RBMS3: variants seen among roughly 807,000 people sequenced by gnomAD.
RBMS3 encodes RNA binding motif single stranded interacting protein 3.
In RBMS3, 27 loss-of-function variants were observed where a neutral mutation model predicts 66.8. That is an observed-to-expected ratio of 0.40 (90% CI 0.30 to 0.56). The LOEUF (loss-of-function observed/expected upper bound fraction) is 0.56, where lower values mean the gene tolerates loss of function less well. RBMS3 is among the 20% of genes least tolerant of loss of function. The pLI is 0.40. For synonymous variants in RBMS3, 188 were observed against 183.0 expected (o/e 1.03, Z -0.22); for missense variants, 513 against 549.5 (o/e 0.93, Z 0.66).
At chr3:29,286,939 T>G (rs983103873) in intron 1 of RBMS3, among the ~76,000 whole-genome samples, 3 of 152,152 alleles carry the variant, frequency 2.0e-5, no homozygotes, top group African/African-American at 7.2e-5. Context: ...ACATTGAAAT[T>G]GTTTTGTAAC....
rs1411222764 is a variant in RBMS3, at chr3:29,281,112, A to AC, written c.-570_-569insC. ...GAGACAGCAGCAACTAAGCTGTACA[A>AC]GGTTTTTTTTTTTTTTTTTTCTTCC... is the stretch of plus-strand genomic sequence containing the variant. On this transcript the variant is annotated 5_prime_UTR_variant, in exon 1 of 15. Coordinates refer to ENST00000383767, the MANE Select transcript of RBMS3 (RefSeq NM_001003793.3). The AC allele has an allele frequency of 3.9e-5, 3 of 76,248 alleles. No homozygotes were observed. Among genetic ancestry groups the AC allele is most frequent in the East Asian group, 6.4e-4 (2 of 3,130 alleles). The allele number at this position is 76,248 out of a possible 1,614,324, so 4.7% of individuals were successfully genotyped here. A position where few individuals can be genotyped will look rare whatever the true frequency, so the allele number is the denominator to read the frequency against.
chr3:29,594,438 A>G (rs1034163538), intron 4 of RBMS3, among the ~76,000 whole-genome samples: 4 of 152,118 alleles, frequency 2.6e-5, no homozygotes, highest in African/African-American at 9.7e-5. Flanking sequence ...TCCAAAGAAA[A>G]TCATTCTGAT....
chr3:29,388,482 G>A (rs1268854742), intron 1 of RBMS3, among the ~76,000 whole-genome samples: 1 of 152,118 alleles, frequency 6.6e-6, no homozygotes, highest in Admixed American at 6.5e-5. Context: ...TTCCAGGAAG[G>A]CCACGTTAAA....
intron 6 of RBMS3, among the ~76,000 whole-genome samples, chr3:29,792,979 C>G (rs948815002): frequency 3.3e-5 from 5 of 152,082 alleles, no homozygotes; most frequent in Admixed American, 1.3e-4. Context: ...TGGCTCTCAC[C>G]TTTAATCCCA....
At chr3:29,696,851 G>A in intron 4 of RBMS3, 1 of 645,778 alleles carries the variant, frequency 1.5e-6, no homozygotes, top group Non-Finnish European at 1.9e-6. Context: ...ACACATCTTA[G>A]AGTCATCATA....
chr3:29,309,132 A>G (rs1017805253), intron 1 of RBMS3, among the ~76,000 whole-genome samples: 1 of 151,732 alleles, frequency 6.6e-6, no homozygotes, highest in Non-Finnish European at 1.5e-5. Context: ...ACTTTGATTC[A>G]TGGGCATGAA....
At chr3:29,442,622 A>G (rs2041670107) in intron 2 of RBMS3, among the ~76,000 whole-genome samples, 1 of 152,190 alleles carries the variant, frequency 6.6e-6, no homozygotes, top group African/African-American at 2.4e-5. Flanking sequence ...AATTCTAGGC[A>G]GATCTCATGC....
intron 3 of RBMS3, among the ~76,000 whole-genome samples, chr3:29,584,253 C>T (rs1018803885): frequency 6.6e-6 from 1 of 152,058 alleles, no homozygotes; most frequent in Non-Finnish European, 1.5e-5. Flanking sequence ...TTTGAGACAT[C>T]TGATTCCCTT....
At chr3:29,873,239 C>T (rs550926194) in intron 7 of RBMS3, among the ~76,000 whole-genome samples, 1 of 152,064 alleles carries the variant, frequency 6.6e-6, no homozygotes, top group Non-Finnish European at 1.5e-5. Context: ...ATTTTTCTAT[C>T]TGTTTGTGTC....
At chr3:29,405,734 C>T (rs1474389564) in intron 1 of RBMS3, among the ~76,000 whole-genome samples, 2 of 152,156 alleles carry the variant, frequency 1.3e-5, no homozygotes, top group Non-Finnish European at 2.9e-5. Context: ...GGGGAAAATT[C>T]AGCCATTTTA....
At chr3:29,946,957 A>G (rs1695357595) in intron 12 of RBMS3, among the ~76,000 whole-genome samples, 1 of 151,664 alleles carries the variant, frequency 6.6e-6, no homozygotes, top group Non-Finnish European at 1.5e-5. Flanking sequence ...GAAGTGAGGA[A>G]AAGGATAGTG....
At chr3:29,548,451 AAAAAC>A in intron 3 of RBMS3, among the ~76,000 whole-genome samples, 1 of 131,388 alleles carries the variant, frequency 7.6e-6, no homozygotes, top group Admixed American at 7.3e-5. Context: ...CAAACAAACA[AAAAAC>A]AAAACGACGT....
intron 5 of RBMS3, among the ~76,000 whole-genome samples, chr3:29,751,234 C>G (rs919605273): frequency 1.3e-5 from 2 of 152,106 alleles, no homozygotes; most frequent in African/African-American, 4.8e-5. Context: ...AAGGAGAAAA[C>G]CAAGTTTTAC....
intron 4 of RBMS3, among the ~76,000 whole-genome samples, chr3:29,727,906 A>G (rs901377939): frequency 1.6e-4 from 25 of 152,178 alleles, no homozygotes; most frequent in Non-Finnish European, 3.4e-4. Flanking sequence ...ACACATGCAC[A>G]TGTATGTTTA....
chr3:29,996,372 C>A (rs1412934373), intron 14 of RBMS3, among the ~76,000 whole-genome samples: 1 of 148,418 alleles, frequency 6.7e-6, no homozygotes, highest in African/African-American at 2.5e-5. Flanking sequence ...GACAGAAAGT[C>A]AACAAGGATA....
At chr3:29,712,526 T>C (rs1381553690) in intron 4 of RBMS3, among the ~76,000 whole-genome samples, 2 of 152,170 alleles carry the variant, frequency 1.3e-5, no homozygotes, top group Non-Finnish European at 2.9e-5. Flanking sequence ...TTGTCCAGGC[T>C]GGTCTCAAAC....
chr3:29,881,929 T>G (rs537643870), intron 7 of RBMS3, among the ~76,000 whole-genome samples: 16 of 152,242 alleles, frequency 1.1e-4, no homozygotes, highest in Admixed American at 6.6e-4. Context: ...AGGCTTCCTA[T>G]AAGTCCCCAG....
chr3:29,674,450 G>C (rs1310221397), intron 4 of RBMS3, among the ~76,000 whole-genome samples: 1 of 152,106 alleles, frequency 6.6e-6, no homozygotes, highest in African/African-American at 2.4e-5. Flanking sequence ...GTTAGCGAAA[G>C]AGGAAGTCAA....
chr3:29,807,203 A>G (rs2057579333), intron 6 of RBMS3, among the ~76,000 whole-genome samples: 1 of 151,954 alleles, frequency 6.6e-6, no homozygotes, highest in South Asian at 2.1e-4. Flanking sequence ...CAGTATCAAG[A>G]TTGCTTTTCA....
Sources: gnomAD v4.1 joint callset for allele counts (sites outside exome capture counted in the v4.1 genomes callset) on GRCh38, gnomAD v4.1.1 for gene constraint, MANE v1.5 for transcripts, NCBI Gene and HGNC (gene_info 2026-07-23, HGNC 2026-07-21) for gene names.